Variants in LUC7L3 observed in about 807,000 individuals in gnomAD.
The protein encoded by LUC7L3 is luc7-like protein 3.
LUC7L3 carries 6 observed loss-of-function variants against 66.8 expected under a neutral mutation model. That is an observed-to-expected ratio of 0.09 (90% CI 0.05 to 0.18). LUC7L3 has a LOEUF of 0.18. LUC7L3 is among the 10% of genes least tolerant of loss of function. LUC7L3 has a pLI of 1.00. For missense variants in LUC7L3, 341 were observed against 531.1 expected, an observed-to-expected ratio of 0.64 and a Z score of 3.52; for synonymous variants, 160 against 174.7, an observed-to-expected ratio of 0.92 and a Z score of 0.66.
chr17:50,742,504 G>A (rs904643270), intron 5 of LUC7L3, among the ~76,000 whole-genome samples: 1 of 152,026 alleles, frequency 6.6e-6, no homozygotes, highest in Non-Finnish European at 1.5e-5. Context: ...GATTACAGGT[G>A]TGCGCCACCA....
chr17:50,722,858 C>T (rs1315823273), intron 1 of LUC7L3: 2 of 152,218 alleles, frequency 1.3e-5, no homozygotes, highest in Admixed American at 6.5e-5. Flanking sequence ...AAAGTGAAGT[C>T]GGCTTTAATA....
At chr17:50,721,438 G>A (rs2089783672) in intron 1 of LUC7L3, among the ~76,000 whole-genome samples, 1 of 152,104 alleles carries the variant, frequency 6.6e-6, no homozygotes, top group Non-Finnish European at 1.5e-5. Flanking sequence ...TAGGTTTTAT[G>A]TCATCTCAGC....
intron 1 of LUC7L3, among the ~76,000 whole-genome samples, chr17:50,733,492 C>T (rs1363896051): frequency 6.6e-6 from 1 of 151,658 alleles, no homozygotes; most frequent in African/African-American, 2.4e-5. Flanking sequence ...AGCTCCGCCT[C>T]CTGTGTTCAC....
intron 9 of LUC7L3, among the ~76,000 whole-genome samples, chr17:50,748,986 T>C (rs1970850187): frequency 6.6e-6 from 1 of 152,104 alleles, no homozygotes; most frequent in South Asian, 2.1e-4. Context: ...TGAGCCACAG[T>C]GGGCATTTAT....
At position 50,750,688 on chromosome 17, in the gene LUC7L3, G is replaced by T. The variant is rs373603231; in HGVS notation, c.*27G>T. On this transcript the variant is annotated 3_prime_UTR_variant, in exon 10 of 10. Coordinates refer to ENST00000505658, the MANE Select transcript of LUC7L3 (RefSeq NM_016424.5). ...ACTGATCTGATAAGACCTCAGATCA[G>T]ACAGAGGTAAGTGTATTGTTTCTCA... 6.2e-7 allele frequency: 1 copy of T among 1,613,872 alleles called. No homozygotes were observed. Among genetic ancestry groups the T allele is most frequent in the Admixed American group, 1.7e-5 (1 of 59,986 alleles).
chr17:50,745,446 G>T (rs553081021), intron 7 of LUC7L3, among the ~76,000 whole-genome samples: 9 of 152,122 alleles, frequency 5.9e-5, no homozygotes, highest in Non-Finnish European at 1.3e-4. Context: ...AATTATTTTT[G>T]AAGCATTGTG....
At chr17:50,732,550 T>C (rs1969681640) in intron 1 of LUC7L3, among the ~76,000 whole-genome samples, 1 of 141,822 alleles carries the variant, frequency 7.1e-6, no homozygotes, top group Non-Finnish European at 1.5e-5. Context: ...CCTGGCTAAT[T>C]TTTTTCATTC....
chr17:50,728,441 C>T (rs1969345170), intron 1 of LUC7L3, among the ~76,000 whole-genome samples: 2 of 151,854 alleles, frequency 1.3e-5, no homozygotes, highest in Admixed American at 6.6e-5. Context: ...ATCTTTAACA[C>T]AGTGAATTGA....
At position 50,723,367 on chromosome 17, in the gene LUC7L3, G is replaced by A. The variant is rs913334697; in HGVS notation, c.99+3536G>A. 124 of 152,256 alleles carry A rather than the reference G, an allele frequency of 8.1e-4. 1 individual carries two copies. The highest frequency in any genetic ancestry group is 2.8e-3 in the African/African-American group (116 of 41,530). The allele number at this position is 152,256 out of a possible 1,614,324, so 9.4% of individuals were successfully genotyped here. ...ACTATGTTCTTTTCTAAAATCTTTG[G>A]AATGTTAGCAGATACTGTCATTGAC... On this transcript the variant is annotated intron_variant, in intron 1 of 9. Coordinates refer to ENST00000505658, the MANE Select transcript of LUC7L3 (RefSeq NM_016424.5).
intron 7 of LUC7L3, 123 bp downstream of exon 7, chr17:50,744,936 T>A (rs1970573937): frequency 2.8e-6 from 2 of 723,768 alleles, no homozygotes; most frequent in Non-Finnish European, 4.4e-6. Context: ...CTCAGCCTCC[T>A]GAGTAGCTGG....
chr17:50,741,595 C>A, intron 4 of LUC7L3, 62 bp from the exon 5 acceptor site: 2 of 989,522 alleles, frequency 2.0e-6, no homozygotes, highest in Non-Finnish European at 3.2e-6. Context: ...ATGGTATGTG[C>A]AAGTTTGCAT....
chr17:50,731,631 CAG>C (rs1969611715), intron 1 of LUC7L3, among the ~76,000 whole-genome samples: 1 of 152,084 alleles, frequency 6.6e-6, no homozygotes. Context: ...TGTAGAGTAA[CAG>C]ATAATTCTGA....
intron 1 of LUC7L3, among the ~76,000 whole-genome samples, chr17:50,726,322 C>G (rs1367257442): frequency 2.0e-5 from 3 of 152,082 alleles, no homozygotes; most frequent in African/African-American, 7.2e-5. Context: ...CAGCCGTGTA[C>G]CACCATGTCT....
intron 1 of LUC7L3, among the ~76,000 whole-genome samples, chr17:50,725,692 G>A (rs993779804): frequency 6.6e-5 from 10 of 152,158 alleles, no homozygotes; most frequent in African/African-American, 2.4e-4. Flanking sequence ...ATTTTTTGGA[G>A]ATTTGCAACA....
intron 1 of LUC7L3, among the ~76,000 whole-genome samples, chr17:50,733,398 G>GT (rs35236108): frequency 0.013 from 1,240 of 98,290 alleles, 58 homozygotes; most frequent in South Asian, 0.017. Flanking sequence ...CGCCTGGCTA[G>GT]TTTTTTTTTT....
chr17:50,726,058 G>GCC (rs1159655736), intron 1 of LUC7L3, among the ~76,000 whole-genome samples: 1 of 152,188 alleles, frequency 6.6e-6, no homozygotes, highest in East Asian at 1.9e-4. Flanking sequence ...GATAATCTCT[G>GCC]CATGAGCAGT....
intron 1 of LUC7L3, among the ~76,000 whole-genome samples, chr17:50,731,335 G>T (rs1005301819): frequency 3.3e-5 from 5 of 151,992 alleles, no homozygotes; most frequent in African/African-American, 4.8e-5. Context: ...TGCCTGGCCA[G>T]TTTTTGTATT....
At chr17:50,735,151 G>T (rs1008333635) in intron 1 of LUC7L3, among the ~76,000 whole-genome samples, 2 of 151,216 alleles carry the variant, frequency 1.3e-5, no homozygotes, top group Non-Finnish European at 2.9e-5. Context: ...AATGGCCTGA[G>T]CCCAGGAGGG....
chr17:50,729,685 G>A (rs1031541905), intron 1 of LUC7L3, among the ~76,000 whole-genome samples: 14 of 151,800 alleles, frequency 9.2e-5, no homozygotes, highest in Non-Finnish European at 1.8e-4. Context: ...ATACAGACAT[G>A]GGGAGAACTT....
Sources: allele counts gnomAD v4.1 joint callset (sites outside exome capture counted in the v4.1 genomes callset), GRCh38; gene constraint gnomAD v4.1.1; transcripts MANE v1.5; gene names NCBI Gene and HGNC (gene_info 2026-07-23, HGNC 2026-07-21).